PCSK5: variants seen among roughly 807,000 people sequenced by gnomAD.
PCSK5 encodes proprotein convertase subtilisin/kexin type 5.
In PCSK5, 129 loss-of-function variants were observed where a neutral mutation model predicts 233.2. The observed-to-expected ratio is 0.55, with a 90% CI of 0.48 to 0.64. The LOEUF (loss-of-function observed/expected upper bound fraction) is 0.64, where lower values mean the gene tolerates loss of function less well. Ranked by LOEUF, PCSK5 falls within the 30% of genes least tolerant of loss-of-function variation. PCSK5 has a pLI of 0.00. For synonymous variants in PCSK5, 825 were observed against 879.2 expected (o/e 0.94, Z 1.09); for missense variants, 2,076 against 2,430.1 (o/e 0.85, Z 3.06).
intron 3 of PCSK5, among the ~76,000 whole-genome samples, chr9:75,994,659 C>T (rs991388175): frequency 1.3e-5 from 2 of 151,858 alleles, no homozygotes; most frequent in African/African-American, 2.4e-5. Flanking sequence ...CCTGACCTTG[C>T]GATCCACCCG....
chr9:76,289,504 C>CATGCAACAT, intron 24 of PCSK5, among the ~76,000 whole-genome samples: 1 of 131,972 alleles, frequency 7.6e-6, no homozygotes, highest in Non-Finnish European at 1.6e-5. Context: ...CACACACACA[C>CATGCAACAT]ACACACGCAA....
chr9:75,953,416 A>G (rs1161369899), intron 2 of PCSK5, among the ~76,000 whole-genome samples: 1 of 152,166 alleles, frequency 6.6e-6, no homozygotes, highest in Admixed American at 6.5e-5. Context: ...AAGTTGCTTA[A>G]CAGTAAGTCA....
At position 76,193,359 on chromosome 9, in the gene PCSK5, A is replaced by G. The variant is rs774170332; in HGVS notation, c.2626+3613A>G. ...ATGTACATTTCAAGGCTGAGCAGCC[A>G]TCTTAGATTTCTTTGTTCCTGTAGA... On this transcript the variant is annotated intron_variant, in intron 20 of 37. Transcript: ENST00000674117. The G allele has an allele frequency of 2.5e-6, 4 of 1,607,278 alleles. No individual in the cohort carries two copies. The East Asian group carries it at 6.7e-5, about 27-fold the overall frequency.
chr9:76,054,099 A>G (rs1442423620), intron 5 of PCSK5, among the ~76,000 whole-genome samples: 2 of 152,134 alleles, frequency 1.3e-5, no homozygotes, highest in East Asian at 1.9e-4. Flanking sequence ...TTATAAAACC[A>G]TCAGCTCTCA....
At chr9:76,313,088 A>G (rs377559841) in intron 30 of PCSK5, among the ~76,000 whole-genome samples, 2 of 152,216 alleles carry the variant, frequency 1.3e-5, no homozygotes, top group South Asian at 4.1e-4. Context: ...GAATTCTCTT[A>G]TCCACTTACT....
intron 7 of PCSK5, among the ~76,000 whole-genome samples, chr9:76,075,621 T>C (rs953079530): frequency 2.6e-5 from 4 of 152,156 alleles, no homozygotes; most frequent in Non-Finnish European, 5.9e-5. Context: ...AAGAAAATAA[T>C]TGAATAAAAA....
intron 20 of PCSK5, among the ~76,000 whole-genome samples, chr9:76,203,081 A>C (rs1367641676): frequency 1.3e-5 from 2 of 152,180 alleles, no homozygotes; most frequent in Admixed American, 6.5e-5. Flanking sequence ...ATAGCTCTCT[A>C]TGTGTCTACA....
intron 31 of PCSK5, among the ~76,000 whole-genome samples, chr9:76,322,687 T>C (rs1246051160): frequency 6.6e-6 from 1 of 152,250 alleles, no homozygotes; most frequent in Non-Finnish European, 1.5e-5. Context: ...TTGAAAACAG[T>C]GTGAGGTTCT....
At chr9:76,025,227 T>C (rs554408663) in intron 4 of PCSK5, among the ~76,000 whole-genome samples, 147 of 152,124 alleles carry the variant, frequency 9.7e-4, no homozygotes, top group Non-Finnish European at 1.9e-3. Flanking sequence ...TTCACGAACA[T>C]TGAAATTAGG....
chr9:76,327,102 ATTTTTTT>A (rs56100078), intron 32 of PCSK5, among the ~76,000 whole-genome samples: 5 of 128,188 alleles, frequency 3.9e-5, no homozygotes, highest in East Asian at 4.7e-4. Context: ...GCCCATCTCT[ATTTTTTT>A]TTTTTTTTTT....
chr9:76,133,388 T>C (rs1281206250), intron 9 of PCSK5, among the ~76,000 whole-genome samples: 2 of 152,090 alleles, frequency 1.3e-5, no homozygotes, highest in African/African-American at 4.8e-5. Flanking sequence ...ATGATTAGCA[T>C]TGCAGTTCTC....
In PCSK5 at chr9:76,295,316, A is replaced by G. The variant is rs1278106158; in HGVS notation, c.3227A>G (p.Tyr1076Cys). ...TATAAAACCTGTCCTGAGAAGACCT[A>G]CAGTGAGGAAGTGGAATGCAAGGCG... is the stretch of plus-strand genomic sequence containing the variant. ...HCYKTCPEKT[Y>C]SEEVECKACD... The change falls in exon 26 of 38, where the codon TAC (tyrosine) becomes TGC (cysteine). Residue 1076 changes from tyrosine (Y) to cysteine (C), a missense_variant. By Grantham distance (194) the Tyr-to-Cys change is radical. Transcript: ENST00000674117. The G allele has an allele frequency of 6.2e-7, 1 of 1,611,710 alleles. No individual in the cohort carries two copies. The highest frequency in any genetic ancestry group is 1.7e-5 in the Admixed American group (1 of 59,978).
intron 5 of PCSK5, among the ~76,000 whole-genome samples, chr9:76,047,841 T>C (rs1227576807): frequency 1.3e-5 from 2 of 152,218 alleles, no homozygotes; most frequent in Admixed American, 6.5e-5. Context: ...TATTACCTAA[T>C]AGAGCATGCA....
At chr9:76,308,866 G>A (rs557944286) in intron 29 of PCSK5, 138 bp downstream of exon 29, 80 of 611,420 alleles carry the variant, frequency 1.3e-4, no homozygotes, top group African/African-American at 7.5e-4. Flanking sequence ...GTGGCTACTC[G>A]GGAGACACAC....
At chr9:76,266,670 C>G (rs984248970) in intron 24 of PCSK5, among the ~76,000 whole-genome samples, 25 of 152,122 alleles carry the variant, frequency 1.6e-4, no homozygotes, top group East Asian at 1.9e-4. Context: ...TGGCAAATTG[C>G]CTCATCACCA....
intron 3 of PCSK5, among the ~76,000 whole-genome samples, chr9:76,014,281 G>A (rs966829588): frequency 2.6e-5 from 4 of 152,162 alleles, no homozygotes; most frequent in South Asian, 2.1e-4. Context: ...TATGAGCTCC[G>A]GCATAGGAAT....
At chr9:75,979,000 G>A (rs1157885281) in intron 2 of PCSK5, among the ~76,000 whole-genome samples, 1 of 151,122 alleles carries the variant, frequency 6.6e-6, no homozygotes, top group Non-Finnish European at 1.5e-5. Context: ...AGCCTCCCAA[G>A]TAGCTGGGAT....
intron 5 of PCSK5, among the ~76,000 whole-genome samples, chr9:76,043,267 T>TG (rs1829207285): frequency 7.8e-6 from 1 of 128,584 alleles, no homozygotes; most frequent in Non-Finnish European, 1.5e-5. Flanking sequence ...ACCCGGGAGG[T>TG]GGAGCTTGCA....
chr9:76,323,427 AG>A, intron 32 of PCSK5, 139 bp downstream of exon 32: 1 of 613,824 alleles, frequency 1.6e-6, no homozygotes, highest in South Asian at 2.0e-5. Context: ...TCTATTGCCC[AG>A]GCTCAAGTTC....
Sources: allele counts gnomAD v4.1 joint callset (sites outside exome capture counted in the v4.1 genomes callset), GRCh38; gene constraint gnomAD v4.1.1; transcripts MANE v1.5; gene names NCBI Gene and HGNC (gene_info 2026-07-23, HGNC 2026-07-21).